Variants in OSBPL9 observed in about 807,000 individuals in gnomAD.
The protein encoded by OSBPL9 is oxysterol binding protein like 9.
Under a neutral mutation model 106.6 loss-of-function variants are expected in OSBPL9, and 40 were observed. The ratio of observed to expected loss-of-function variants is 0.38; its 90% CI spans 0.29 to 0.49. The LOEUF is 0.49. Ranked by LOEUF, OSBPL9 falls within the 20% of genes least tolerant of loss-of-function variation. The pLI is 0.97. For missense variants in OSBPL9, 609 were observed against 887.2 expected (o/e 0.69, Z 3.98); for synonymous variants, 269 against 295.4 (o/e 0.91, Z 0.92).
At chr1:51,581,164 A>G (rs1012473964) in intron 1 of OSBPL9, among the ~76,000 whole-genome samples, 6 of 150,848 alleles carry the variant, frequency 4.0e-5, no homozygotes, top group East Asian at 2.0e-4. Flanking sequence ...GGCTTGAGCA[A>G]TCTGCCTGCC....
chr1:51,598,324 G>C (rs1645312552), intron 2 of OSBPL9: 1 of 152,322 alleles, frequency 6.6e-6, no homozygotes, highest in Non-Finnish European at 1.5e-5. Flanking sequence ...AAAGAGAAAA[G>C]GGGGAACAGG....
intron 3 of OSBPL9, among the ~76,000 whole-genome samples, chr1:51,681,093 G>A (rs12751956): frequency 0.028 from 4,269 of 151,920 alleles, 93 homozygotes; most frequent in Non-Finnish European, 0.044. Context: ...ATTCATTAAC[G>A]CTATTTATTA....
rs533153468 is a variant in OSBPL9, at chr1:51,590,774, G to C, written c.-422-7350G>C. 6.6e-5 allele frequency among the ~76,000 whole-genome samples: 10 copies of C among 152,112 alleles called. No homozygotes were observed. In the South Asian group the frequency reaches 1.5e-3, roughly 22 times the overall value. On this transcript the variant is annotated intron_variant, in intron 1 of 25. Coordinates refer to the OSBPL9 transcript ENST00000371714. ...TTCTTAATTTTTTTTTTCCGAGACA[G>C]GGTCTCTCTTTGTTGCCCAGGCTGA...
chr1:51,776,184 G>A (rs1482769452), intron 14 of OSBPL9, among the ~76,000 whole-genome samples: 1 of 151,422 alleles, frequency 6.6e-6, no homozygotes, highest in Non-Finnish European at 1.5e-5. Flanking sequence ...TCCTTTAATT[G>A]CTCATTTAAA....
the OSBPL9 span, among the ~76,000 whole-genome samples, chr1:51,530,177 AAAAAAAAAAAAAAAAC>A: frequency 2.1e-4 from 23 of 111,790 alleles, no homozygotes; most frequent in African/African-American, 5.0e-4. Context: ...TCTCAAAAAA[AAAAAAAAAAAAAAAAC>A]AAAAAAAAAA....
chr1:51,567,346 CAG>C, the OSBPL9 span: 2 of 152,238 alleles, frequency 1.3e-5, no homozygotes, highest in African/African-American at 4.8e-5. Flanking sequence ...AGGCCCAAAA[CAG>C]AGTTAGTATT....
chr1:51,738,849 C>T (rs889423262), intron 4 of OSBPL9, among the ~76,000 whole-genome samples: 3 of 151,834 alleles, frequency 2.0e-5, no homozygotes, highest in African/African-American at 4.8e-5. Context: ...GCCTTCTATG[C>T]GTAAGGGCCT....
intron 1 of OSBPL9, among the ~76,000 whole-genome samples, chr1:51,638,131 A>G (rs1473833825): frequency 6.6e-6 from 1 of 152,122 alleles, no homozygotes; most frequent in Non-Finnish European, 1.5e-5. Flanking sequence ...CAAAATCACC[A>G]TTACCTTGTT....
intron 1 of OSBPL9, among the ~76,000 whole-genome samples, chr1:51,592,108 CTT>C (rs34379031): frequency 0.018 from 1,408 of 76,750 alleles, 4 homozygotes; most frequent in East Asian, 0.077. Context: ...GTTGCTAAGG[CTT>C]TTTTTTTTTT....
chr1:51,592,328 G>C (rs1645280987), intron 1 of OSBPL9, among the ~76,000 whole-genome samples: 1 of 152,018 alleles, frequency 6.6e-6, no homozygotes, highest in South Asian at 2.1e-4. Context: ...TGTTAGCCAG[G>C]ATGGTCTCGA....
chr1:51,589,202 C>G (rs1473681104), intron 1 of OSBPL9, among the ~76,000 whole-genome samples: 1 of 152,086 alleles, frequency 6.6e-6, no homozygotes, highest in Non-Finnish European at 1.5e-5. Context: ...GATTCTCTCA[C>G]TTCAGCCTCC....
chr1:51,780,649 C>T (rs1676156877), intron 15 of OSBPL9, among the ~76,000 whole-genome samples: 1 of 152,180 alleles, frequency 6.6e-6, no homozygotes, highest in African/African-American at 2.4e-5. Context: ...CACCTGTAAT[C>T]CCAGCTACTC....
At chr1:51,774,035 T>C (rs1227304670) in intron 14 of OSBPL9, among the ~76,000 whole-genome samples, 1 of 152,022 alleles carries the variant, frequency 6.6e-6, no homozygotes, top group African/African-American at 2.4e-5. Context: ...TGAATCTCAT[T>C]GGCCAGTATC....
the OSBPL9 span, among the ~76,000 whole-genome samples, chr1:51,565,238 C>G: frequency 6.6e-6 from 1 of 152,136 alleles, no homozygotes; most frequent in Non-Finnish European, 1.5e-5. Flanking sequence ...TGGGTGAGGC[C>G]CTTCCTGGCC....
At chr1:51,559,538 C>A in the OSBPL9 span, among the ~76,000 whole-genome samples, 6 of 152,024 alleles carry the variant, frequency 3.9e-5, no homozygotes. Flanking sequence ...TGCAGACCTA[C>A]TGGATCAGTA....
At chr1:51,522,444 G>A in the OSBPL9 span, among the ~76,000 whole-genome samples, 24 of 152,278 alleles carry the variant, frequency 1.6e-4, no homozygotes, top group Non-Finnish European at 2.8e-4. Flanking sequence ...CTATAGGGAA[G>A]AGAATAATGG....
At chr1:51,597,674 G>A (rs1169299425) in intron 1 of OSBPL9, among the ~76,000 whole-genome samples, 2 of 152,112 alleles carry the variant, frequency 1.3e-5, no homozygotes, top group African/African-American at 2.4e-5. Flanking sequence ...CAGAACTGAC[G>A]AAGAGAACCC....
chr1:51,534,526 G>T, the OSBPL9 span, among the ~76,000 whole-genome samples: 1 of 152,134 alleles, frequency 6.6e-6, no homozygotes, highest in Non-Finnish European at 1.5e-5. Flanking sequence ...GTGAGGAGTG[G>T]GTTGGATAGG....
At chr1:51,738,722 A>G (rs1269607587) in intron 4 of OSBPL9, among the ~76,000 whole-genome samples, 1 of 152,032 alleles carries the variant, frequency 6.6e-6, no homozygotes, top group Non-Finnish European at 1.5e-5. Context: ...GTTAAATACA[A>G]TTTAACTTAT....
Sources: allele counts gnomAD v4.1 joint callset (sites outside exome capture counted in the v4.1 genomes callset), GRCh38; gene constraint gnomAD v4.1.1; transcripts MANE v1.5; gene names NCBI Gene and HGNC (gene_info 2026-07-23, HGNC 2026-07-21).